The following NALF1 variants were observed in gnomAD, a reference collection of about 807,000 sequenced individuals.
The protein encoded by NALF1 is family with sequence similarity 155 member A.
NALF1 carries 3 observed loss-of-function variants against 48.4 expected under a neutral mutation model. The observed-to-expected ratio is 0.06, with a 90% CI of 0.03 to 0.16. The LOEUF is 0.16. NALF1 is among the 10% of genes least tolerant of loss of function. NALF1 has a pLI of 1.00. For synonymous variants in NALF1, 262 were observed against 245.7 expected, an observed-to-expected ratio of 1.07 and a Z score of -0.62; for missense variants, 526 against 571.5, an observed-to-expected ratio of 0.92 and a Z score of 0.81.
At chr13:107,423,983 C>G (rs930487185) in intron 1 of NALF1, among the ~76,000 whole-genome samples, 1 of 152,018 alleles carries the variant, frequency 6.6e-6, no homozygotes, top group Non-Finnish European at 1.5e-5. Context: ...TAGTCCTCTA[C>G]TGTAGGCTAC....
chr13:107,844,009 C>T (rs1395897030), intron 1 of NALF1, among the ~76,000 whole-genome samples: 1 of 152,054 alleles, frequency 6.6e-6, no homozygotes, highest in Non-Finnish European at 1.5e-5. Context: ...TCAAAAAATG[C>T]TTAGTCTTTA....
chr13:107,357,984 C>A (rs2138951674), intron 1 of NALF1, among the ~76,000 whole-genome samples: 1 of 152,080 alleles, frequency 6.6e-6, no homozygotes, highest in Admixed American at 6.5e-5. Context: ...CCCATTTGGG[C>A]CATGCATAAA....
chr13:107,831,672 GA>G (rs1172046225), intron 1 of NALF1, among the ~76,000 whole-genome samples: 2 of 152,158 alleles, frequency 1.3e-5, no homozygotes, highest in Non-Finnish European at 2.9e-5. Flanking sequence ...TGATGAGGTA[GA>G]AATGACAGTA....
At chr13:107,795,595 C>T (rs1878397406) in intron 1 of NALF1, among the ~76,000 whole-genome samples, 1 of 152,134 alleles carries the variant, frequency 6.6e-6, no homozygotes, top group African/African-American at 2.4e-5. Context: ...AGGTAGAAGG[C>T]TTTGTTCTTG....
chr13:107,843,740 T>G (rs1406130574), intron 1 of NALF1, among the ~76,000 whole-genome samples: 1 of 152,020 alleles, frequency 6.6e-6, no homozygotes, highest in Non-Finnish European at 1.5e-5. Flanking sequence ...GAGGCCAGAA[T>G]GACCAAAAAT....
intron 1 of NALF1, among the ~76,000 whole-genome samples, chr13:107,335,275 A>G (rs553180628): frequency 6.6e-6 from 1 of 152,278 alleles, no homozygotes; most frequent in South Asian, 2.1e-4. Flanking sequence ...CTATGAGAAC[A>G]TCAGATTCCT....
At chr13:107,400,556 T>C (rs1045586371) in intron 1 of NALF1, among the ~76,000 whole-genome samples, 1 of 151,730 alleles carries the variant, frequency 6.6e-6, no homozygotes, top group African/African-American at 2.4e-5. Context: ...CTATTAAAAA[T>C]ACACAAATTA....
intron 1 of NALF1, among the ~76,000 whole-genome samples, chr13:107,818,624 G>A (rs1332361072): frequency 8.9e-6 from 1 of 112,508 alleles, no homozygotes; most frequent in Non-Finnish European, 1.8e-5. Flanking sequence ...TGTAATCCCA[G>A]CACTTTGGGA....
At chr13:107,526,096 C>A (rs537489374) in intron 1 of NALF1, among the ~76,000 whole-genome samples, 2 of 152,132 alleles carry the variant, frequency 1.3e-5, no homozygotes, top group Non-Finnish European at 2.9e-5. Flanking sequence ...AATCCCCATC[C>A]CCCTAAGTTG....
Position 107,204,257 on chromosome 13 carries a change from G to C in NALF1, c.1087+6327C>G, listed in dbSNP as rs559784026. 5.3e-5 allele frequency among the ~76,000 whole-genome samples: 8 copies of C among 152,082 alleles called. No individual in the cohort carries two copies. The East Asian group carries it at 7.7e-4, about 15-fold the overall frequency. On this transcript the variant is annotated intron_variant, in intron 2 of 2. Coordinates refer to ENST00000375915, the MANE Select transcript of NALF1 (RefSeq NM_001080396.3). ...TCTTCCTCTCCCCACACAGACAAGCGTAAAACCTCATTCTCCTCTGCAGCT... is the reference window on the plus strand; with the variant it reads ...TCTTCCTCTCCCCACACAGACAAGCCTAAAACCTCATTCTCCTCTGCAGCT...
chr13:107,565,562 G>A (rs1475924379), intron 1 of NALF1, among the ~76,000 whole-genome samples: 1 of 152,116 alleles, frequency 6.6e-6, no homozygotes, highest in Admixed American at 6.6e-5. Flanking sequence ...ATGCAGTCCC[G>A]AGAGTTGAAT....
chr13:107,200,881 GC>G (rs1046256634), intron 2 of NALF1, among the ~76,000 whole-genome samples: 5 of 152,124 alleles, frequency 3.3e-5, no homozygotes, highest in African/African-American at 1.2e-4. Flanking sequence ...CTTTAGTGCG[GC>G]CACAGGACCT....
chr13:107,416,095 C>T lies in NALF1; in HGVS notation c.916-205340G>A, dbSNP rs182216983. ...AATCTCTGCTCACTGCAAGCTCCGCCTCCTGGGTTCACACCATTCTCCTGC... is the reference window on the plus strand; with the variant it reads ...AATCTCTGCTCACTGCAAGCTCCGCTTCCTGGGTTCACACCATTCTCCTGC... On this transcript the variant is annotated intron_variant, in intron 1 of 2. Transcript: ENST00000375915. Among the ~76,000 whole-genome samples the T allele has an allele frequency of 3.0e-3, 455 of 152,136 alleles. 4 individuals are homozygous for T. Among genetic ancestry groups the T allele is most frequent in the African/African-American group, 0.01 (432 of 41,502 alleles).
At chr13:107,504,970 C>T (rs1428474712) in intron 1 of NALF1, among the ~76,000 whole-genome samples, 3 of 152,194 alleles carry the variant, frequency 2.0e-5, no homozygotes, top group Non-Finnish European at 2.9e-5. Context: ...AGGACCTTGA[C>T]TTCAGAGAGC....
At chr13:107,455,383 G>C (rs1478656440) in intron 1 of NALF1, among the ~76,000 whole-genome samples, 1 of 152,004 alleles carries the variant, frequency 6.6e-6, no homozygotes, top group Non-Finnish European at 1.5e-5. Context: ...AATAGTTTCA[G>C]AGCATGTTTA....
At chr13:107,851,904 G>A (rs1880329760) in intron 1 of NALF1, among the ~76,000 whole-genome samples, 1 of 140,930 alleles carries the variant, frequency 7.1e-6, no homozygotes, top group Admixed American at 7.8e-5. Context: ...TACCTCCTAA[G>A]CCCAAGCAAC....
chr13:107,818,657 G>C (rs1038217557), intron 1 of NALF1, among the ~76,000 whole-genome samples: 1 of 147,256 alleles, frequency 6.8e-6, no homozygotes, highest in Non-Finnish European at 1.5e-5. Context: ...CGGATCACGA[G>C]GTCAGGAGAT....
At chr13:107,288,549 G>C (rs944681772) in intron 1 of NALF1, among the ~76,000 whole-genome samples, 1 of 124,940 alleles carries the variant, frequency 8.0e-6, no homozygotes. Flanking sequence ...TTTTGAGATG[G>C]TGTCTCGCTC....
intron 1 of NALF1, among the ~76,000 whole-genome samples, chr13:107,679,293 GA>G (rs1324280428): frequency 2.0e-5 from 3 of 151,908 alleles, no homozygotes; most frequent in African/African-American, 7.3e-5. Flanking sequence ...TTGAAAATGT[GA>G]AAACCTTTAA....
Sources: gnomAD v4.1 joint callset for allele counts (sites outside exome capture counted in the v4.1 genomes callset) on GRCh38, gnomAD v4.1.1 for gene constraint, MANE v1.5 for transcripts, NCBI Gene and HGNC (gene_info 2026-07-23, HGNC 2026-07-21) for gene names.